Variants in LACTB2 observed in about 807,000 individuals in gnomAD.
The protein encoded by LACTB2 is lactamase beta 2.
Under a neutral mutation model 34.8 loss-of-function variants are expected in LACTB2, and 32 were observed. The observed-to-expected ratio is 0.92, with a 90% CI of 0.69 to 1.24. LACTB2 has a LOEUF of 1.24. Ranked by LOEUF, LACTB2 falls within the 50% of genes most tolerant of loss-of-function variation. The pLI is 0.00. For synonymous variants in LACTB2, 120 were observed against 117.5 expected, an observed-to-expected ratio of 1.02 and a Z score of -0.14; for missense variants, 320 against 345.0, an observed-to-expected ratio of 0.93 and a Z score of 0.57.
In LACTB2 at chr8:70,669,045, T is replaced by C. The variant is rs1818587269; in HGVS notation, c.76A>G (p.Met26Val). 1.2e-6 allele frequency: 2 copies of C among 1,610,616 alleles called. No individual in the cohort carries two copies. Among genetic ancestry groups the C allele is most frequent in the Non-Finnish European group, 1.7e-6 (2 of 1,178,758 alleles). The change falls in exon 1 of 7, where the codon ATG becomes GTG. Residue 26 changes from methionine to valine, a missense_variant. By Grantham distance (21) the Met-to-Val change is conservative. Coordinates refer to ENST00000276590, the MANE Select transcript of LACTB2 (RefSeq NM_016027.3). ...VRVLGCNPGP[M>V]TLQGTNTYLV... ...TAGGTGTTGGTGCCTTGGAGGGTCA[T>C]GGGACCCGGGTTACAGCCCAACACA...
chr8:70,642,138 G>C (rs1818205861), intron 4 of LACTB2, among the ~76,000 whole-genome samples: 2 of 152,154 alleles, frequency 1.3e-5, no homozygotes, highest in Admixed American at 1.3e-4. Flanking sequence ...AAGCACTCTA[G>C]AATCTTTACT....
intron 1 of LACTB2, among the ~76,000 whole-genome samples, chr8:70,668,787 TA>T (rs1226098161): frequency 2.8e-5 from 4 of 142,772 alleles, no homozygotes; most frequent in Non-Finnish European, 6.0e-5. Context: ...CATTTCTCCC[TA>T]AATTAGAGAG....
chr8:70,655,218 CTA>C (rs1298271535), intron 3 of LACTB2, among the ~76,000 whole-genome samples: 1 of 104,322 alleles, frequency 9.6e-6, no homozygotes, highest in Admixed American at 9.5e-5. Flanking sequence ...TAATTAATTC[CTA>C]TTTTTTTTTT....
In LACTB2 at chr8:70,657,782, C is replaced by A; in HGVS notation, c.387G>T (p.Val129=). ...TTAGAGTGGCTCCCTCAGTCTTAAT[C>A]ACATCTCCATCTTTCAGATAAACAT... ...QQYVYLKDGD[V]IKTEGATLRV... Residue 129 remains valine, a synonymous_variant, in exon 3 of 7, where the codon GTG becomes GTT. Coordinates refer to ENST00000276590, the MANE Select transcript of LACTB2 (RefSeq NM_016027.3). 1 of 1,612,996 alleles carries A rather than the reference C, an allele frequency of 6.2e-7. No individual in the cohort carries two copies. Among genetic ancestry groups the A allele is most frequent in the South Asian group, 1.1e-5 (1 of 90,974 alleles).
At chr8:70,666,810 CTTTG>C (rs1818537056) in intron 1 of LACTB2, among the ~76,000 whole-genome samples, 5 of 152,110 alleles carry the variant, frequency 3.3e-5, no homozygotes, top group Non-Finnish European at 7.4e-5. Flanking sequence ...CCTTTGATGG[CTTTG>C]TTTATCAAGA....
At chr8:70,640,876 A>G (rs371127765) in intron 5 of LACTB2, 26 bp downstream of exon 5, 162 of 1,548,344 alleles carry the variant, frequency 1.0e-4, no homozygotes, top group Non-Finnish European at 1.4e-4. Flanking sequence ...TTGTGGCTAC[A>G]TACAAATAAG....
chr8:70,655,574 C>A lies in LACTB2; in HGVS notation c.413+2182G>T, dbSNP rs372239333. Reference sequence around the variant, plus strand: ...GTAGTATTCCATCATATATATATACCACAGTTTCTTTATCCACTCGTTGAT... The same window carrying A: ...GTAGTATTCCATCATATATATATACAACAGTTTCTTTATCCACTCGTTGAT... On this transcript the variant is annotated intron_variant, in intron 3 of 6. Coordinates refer to ENST00000276590, the MANE Select transcript of LACTB2 (RefSeq NM_016027.3). 2.0e-5 allele frequency among the ~76,000 whole-genome samples: 3 copies of A among 152,020 alleles called. No individual in the cohort carries two copies. The East Asian group carries it at 5.8e-4, about 29-fold the overall frequency.
At chr8:70,644,324 A>C in intron 3 of LACTB2, 81 bp from the exon 4 acceptor site, 1 of 952,774 alleles carries the variant, frequency 1.0e-6, no homozygotes, top group Non-Finnish European at 1.5e-6. Context: ...ATTATTCTGT[A>C]TCCTTATCTT....
intron 1 of LACTB2, among the ~76,000 whole-genome samples, chr8:70,666,450 C>T (rs759105963): frequency 1.1e-4 from 16 of 152,202 alleles, no homozygotes; most frequent in East Asian, 1.9e-4. Context: ...GGAAAGCATG[C>T]GTGAAGGCCC....
intron 3 of LACTB2, among the ~76,000 whole-genome samples, chr8:70,645,022 T>G (rs1356494932): frequency 6.6e-6 from 1 of 152,086 alleles, no homozygotes; most frequent in African/African-American, 2.4e-5. Flanking sequence ...TATTGTATTT[T>G]CCTACATCAT....
At chr8:70,653,787 C>T (rs1029857324) in intron 3 of LACTB2, 1 of 152,028 alleles carries the variant, frequency 6.6e-6, no homozygotes, top group Non-Finnish European at 1.5e-5. Context: ...ACCTCCCATG[C>T]AATATCCCTT....
At chr8:70,664,341 A>G (rs433017) in intron 1 of LACTB2, among the ~76,000 whole-genome samples, 49,027 of 152,112 alleles carry the variant, frequency 0.32, 8,410 homozygotes, top group East Asian at 0.66. Flanking sequence ...ACCAGATCAC[A>G]TCACACTGAT....
At chr8:70,660,695 A>G (rs900090668) in intron 2 of LACTB2, 4 of 456,352 alleles carry the variant, frequency 8.8e-6, no homozygotes, top group South Asian at 3.1e-5. Flanking sequence ...CACTCTGGAT[A>G]TAACAGCCCT....
At chr8:70,653,629 C>T (rs901526800) in intron 3 of LACTB2, 1 of 152,194 alleles carries the variant, frequency 6.6e-6, no homozygotes, top group African/African-American at 2.4e-5. Context: ...AATCTGGTAT[C>T]TGCCTATATC....
chr8:70,659,835 G>T (rs777317189), intron 2 of LACTB2, among the ~76,000 whole-genome samples: 12 of 152,174 alleles, frequency 7.9e-5, no homozygotes, highest in Non-Finnish European at 1.2e-4. Context: ...GGCTGGGGAT[G>T]GGGGAAATCA....
intron 1 of LACTB2, among the ~76,000 whole-genome samples, chr8:70,665,030 GA>G (rs540427652): frequency 2.0e-5 from 3 of 152,026 alleles, no homozygotes; most frequent in Non-Finnish European, 4.4e-5. Context: ...CTATACATTT[GA>G]AAAAACTGTT....
intron 4 of LACTB2, among the ~76,000 whole-genome samples, chr8:70,643,167 G>C (rs1032339077): frequency 1.2e-4 from 17 of 136,672 alleles, no homozygotes; most frequent in African/African-American, 3.0e-4. Context: ...TTCTCTTTAA[G>C]TTTAACTGCA....
intron 1 of LACTB2, among the ~76,000 whole-genome samples, chr8:70,666,351 A>T (rs1818533019): frequency 6.6e-6 from 1 of 152,230 alleles, no homozygotes; most frequent in South Asian, 2.1e-4. Context: ...GTCAGGGAAG[A>T]CTTCCATGAG....
intron 1 of LACTB2, among the ~76,000 whole-genome samples, chr8:70,666,401 T>C (rs1411212769): frequency 1.3e-5 from 2 of 152,074 alleles, no homozygotes; most frequent in Non-Finnish European, 2.9e-5. Flanking sequence ...ATGAATGAGA[T>C]TAGCTGGGTA....
Sources: gnomAD v4.1 joint callset for allele counts (sites outside exome capture counted in the v4.1 genomes callset) on GRCh38, gnomAD v4.1.1 for gene constraint, MANE v1.5 for transcripts, NCBI Gene and HGNC (gene_info 2026-07-23, HGNC 2026-07-21) for gene names.